The following STK32A variants were observed in gnomAD, a reference collection of about 807,000 sequenced individuals.
STK32A encodes serine/threonine kinase 32A, also known as serine/threonine-protein kinase 32A.
In STK32A, 41 loss-of-function variants were observed where a neutral mutation model predicts 53.2. The observed-to-expected ratio is 0.77, with a 90% CI of 0.60 to 1.00. The LOEUF (loss-of-function observed/expected upper bound fraction) is 1.00. Among genes scored for constraint, STK32A ranks in the 50% least tolerant of loss-of-function variants. The pLI, the probability that STK32A is intolerant of heterozygous loss-of-function variation, is 0.00. For missense variants in STK32A, 458 were observed against 485.8 expected (o/e 0.94, Z 0.54); for synonymous variants, 166 against 162.8 (o/e 1.02, Z -0.15).
intron 5 of STK32A, among the ~76,000 whole-genome samples, chr5:147,325,852 G>A (rs60579110): frequency 0.021 from 3,220 of 152,098 alleles, 109 homozygotes; most frequent in African/African-American, 0.062. Flanking sequence ...TTTCCTGCTC[G>A]TTCATTCTCC....
chr5:147,356,418 T>C (rs1756241586), intron 7 of STK32A, among the ~76,000 whole-genome samples: 1 of 152,174 alleles, frequency 6.6e-6, no homozygotes. Flanking sequence ...TATAGTACTA[T>C]TGTTATAGTA....
At chr5:147,289,647 A>G (rs1263717780) in intron 4 of STK32A, among the ~76,000 whole-genome samples, 2 of 151,954 alleles carry the variant, frequency 1.3e-5, no homozygotes, top group African/African-American at 4.8e-5. Flanking sequence ...TGAATATCAC[A>G]TATATATGTG....
chr5:147,293,797 G>A (rs1752725036), intron 4 of STK32A, among the ~76,000 whole-genome samples: 1 of 151,600 alleles, frequency 6.6e-6, no homozygotes, highest in Non-Finnish European at 1.5e-5. Flanking sequence ...ATCTTTGAGA[G>A]GTTACCTTTT....
intron 5 of STK32A, among the ~76,000 whole-genome samples, chr5:147,334,336 G>A (rs542339409): frequency 4.6e-5 from 7 of 152,282 alleles, no homozygotes; most frequent in Non-Finnish European, 5.9e-5. Flanking sequence ...GTTTTACTAC[G>A]TGTACAGTCA....
chr5:147,353,828 T>TA (rs1420111707), intron 7 of STK32A, among the ~76,000 whole-genome samples: 7 of 152,168 alleles, frequency 4.6e-5, no homozygotes, highest in African/African-American at 1.7e-4. Context: ...TTAAGATGCT[T>TA]AAAGCAGGTG....
At chr5:147,313,890 A>C (rs1753825553) in intron 4 of STK32A, among the ~76,000 whole-genome samples, 1 of 152,198 alleles carries the variant, frequency 6.6e-6, no homozygotes, top group Non-Finnish European at 1.5e-5. Flanking sequence ...TGAAATTGGA[A>C]CCCTACCTCA....
chr5:147,333,044 C>A (rs1754949159), intron 5 of STK32A, among the ~76,000 whole-genome samples: 1 of 152,124 alleles, frequency 6.6e-6, no homozygotes, highest in South Asian at 2.1e-4. Flanking sequence ...GTGATTTGGT[C>A]CAAGTTAAAT....
chr5:147,263,439 C>A (rs899691337), intron 2 of STK32A, among the ~76,000 whole-genome samples: 1 of 152,008 alleles, frequency 6.6e-6, no homozygotes, highest in African/African-American at 2.4e-5. Flanking sequence ...TCTAATATGA[C>A]TGATAGAGAC....
At chr5:147,241,370 T>A (rs7442692) in intron 2 of STK32A, among the ~76,000 whole-genome samples, 4 of 151,940 alleles carry the variant, frequency 2.6e-5, no homozygotes, top group Non-Finnish European at 2.9e-5. Context: ...TCCCAGCTAC[T>A]CGGGAGGCTG....
chr5:147,339,626 G>A (rs1405716590), intron 5 of STK32A, among the ~76,000 whole-genome samples: 1 of 152,252 alleles, frequency 6.6e-6, no homozygotes, highest in Non-Finnish European at 1.5e-5. Context: ...AACGCAGCCA[G>A]GAAGGGGGCT....
chr5:147,306,940 C>A (rs1035190024), intron 4 of STK32A, among the ~76,000 whole-genome samples: 2 of 152,084 alleles, frequency 1.3e-5, no homozygotes, highest in African/African-American at 4.8e-5. Flanking sequence ...AGTGTGGAAT[C>A]ATTTTTAATA....
chr5:147,319,907 A>C (rs1754216320), intron 4 of STK32A, among the ~76,000 whole-genome samples: 2 of 152,162 alleles, frequency 1.3e-5, no homozygotes, highest in South Asian at 2.1e-4. Context: ...CTGGTGCAAC[A>C]GTTCTGCAAT....
At chr5:147,332,976 G>A (rs1403310900) in intron 5 of STK32A, among the ~76,000 whole-genome samples, 2 of 152,194 alleles carry the variant, frequency 1.3e-5, no homozygotes, top group African/African-American at 4.8e-5. Flanking sequence ...CATTTAACTA[G>A]ACTGGCAGAG....
At chr5:147,357,321 A>G (rs1473030617) in intron 7 of STK32A, among the ~76,000 whole-genome samples, 5 of 152,000 alleles carry the variant, frequency 3.3e-5, no homozygotes, top group Non-Finnish European at 2.9e-5. Flanking sequence ...AATTGTCCCA[A>G]AAAAGGTAGG....
At chr5:147,352,891 G>A (rs963441158) in intron 7 of STK32A, among the ~76,000 whole-genome samples, 2 of 152,162 alleles carry the variant, frequency 1.3e-5, no homozygotes, top group Non-Finnish European at 2.9e-5. Flanking sequence ...CTTCACATGG[G>A]ACCCTCCAAT....
chr5:147,303,945 T>C (rs1372148581), intron 4 of STK32A, among the ~76,000 whole-genome samples: 1 of 152,170 alleles, frequency 6.6e-6, no homozygotes, highest in Non-Finnish European at 1.5e-5. Flanking sequence ...ATAATGCAGA[T>C]ATTCACATAT....
intron 7 of STK32A, among the ~76,000 whole-genome samples, chr5:147,353,984 A>T (rs1403542196): frequency 6.9e-6 from 1 of 145,716 alleles, no homozygotes; most frequent in Non-Finnish European, 1.5e-5. Flanking sequence ...TTAATATTTC[A>T]TTCTCTTCCC....
chr5:147,399,270 A>G, the STK32A span: 161 of 1,611,878 alleles, frequency 1.0e-4, no homozygotes, highest in Non-Finnish European at 1.3e-4. Context: ...AATATAAGAA[A>G]TTATATCTAT....
intron 2 of STK32A, among the ~76,000 whole-genome samples, chr5:147,241,338 G>C (rs1362349689): frequency 1.3e-5 from 2 of 152,164 alleles, no homozygotes; most frequent in Non-Finnish European, 2.9e-5. Flanking sequence ...AATTAGCCGG[G>C]CGTGGTGGTG....
Sources: allele counts gnomAD v4.1 joint callset (sites outside exome capture counted in the v4.1 genomes callset), GRCh38; gene constraint gnomAD v4.1.1; transcripts MANE v1.5; gene names NCBI Gene and HGNC (gene_info 2026-07-23, HGNC 2026-07-21).